Variants in MTOR observed in about 807,000 individuals in gnomAD.
MTOR encodes the protein mechanistic target of rapamycin kinase.
In MTOR, 70 loss-of-function variants were observed where a neutral mutation model predicts 319.8. The ratio of observed to expected loss-of-function variants is 0.22; its 90% CI spans 0.18 to 0.27. The LOEUF (loss-of-function observed/expected upper bound fraction) is 0.27, where lower values mean the gene tolerates loss of function less well. MTOR is among the 10% of genes least tolerant of loss of function. The probability of loss-of-function intolerance (pLI) is 1.00; values close to 1 mark genes in which losing one functional copy is unlikely to be tolerated. For missense variants in MTOR, 1,890 were observed against 3,274.4 expected, an observed-to-expected ratio of 0.58 and a Z score of 10.32; for synonymous variants, 1,183 against 1,211.4, an observed-to-expected ratio of 0.98 and a Z score of 0.49.
chr1:11,245,625 G>T (rs766267558), intron 8 of MTOR, among the ~76,000 whole-genome samples: 2 of 152,186 alleles, frequency 1.3e-5, no homozygotes, highest in Non-Finnish European at 2.9e-5. Flanking sequence ...CTGGCAAGGC[G>T]CCACAGCTCA....
intron 28 of MTOR, among the ~76,000 whole-genome samples, chr1:11,181,418 G>A (rs191298494): frequency 2.0e-5 from 3 of 152,116 alleles, no homozygotes; most frequent in African/African-American, 7.2e-5. Flanking sequence ...CCAGCTACTC[G>A]GGAGGCTGAG....
At chr1:11,251,248 A>G (rs1379014116) in intron 6 of MTOR, among the ~76,000 whole-genome samples, 1 of 152,110 alleles carries the variant, frequency 6.6e-6, no homozygotes, top group Non-Finnish European at 1.5e-5. Flanking sequence ...GGGAGCTGCT[A>G]CTGCAGTATT....
Position 11,212,115 on chromosome 1 carries a change from G to A in MTOR, c.3561+197C>T, listed in dbSNP as rs545933475. 2.0e-5 allele frequency among the ~76,000 whole-genome samples: 3 copies of A among 152,196 alleles called. No homozygotes were observed. Among genetic ancestry groups the A allele is most frequent in the Admixed American group, 6.5e-5 (1 of 15,282 alleles). On this transcript the variant is annotated intron_variant, in intron 23 of 57. Transcript: ENST00000361445. The surrounding 1 kb of genome is among the most constrained non-coding windows in gnomAD (Gnocchi z 4.1). The stretch of plus-strand genomic sequence containing the variant: ...GAGCAAGGACTTTATTCTGTTTACC[G>A]TGTTACCCCCAGAACGGCACTTAGC...
intron 36 of MTOR, among the ~76,000 whole-genome samples, chr1:11,135,314 T>A (rs1052170288): frequency 6.6e-6 from 1 of 151,890 alleles, no homozygotes; most frequent in Non-Finnish European, 1.5e-5. Context: ...AAAATAATAA[T>A]AAAGGGCTTC....
Position 11,150,023 on chromosome 1 carries a change from T to C in MTOR, c.4570+103A>G. The C allele has an allele frequency of 4.2e-5, 40 of 947,624 alleles. No individual in the cohort carries two copies. In the South Asian group the frequency reaches 5.7e-4, roughly 14 times the overall value. The allele number at this position is 947,624 out of a possible 1,614,324, so 58.7% of individuals were successfully genotyped here. Reference sequence around the variant, plus strand: ...GATACAGACCATTTTTACCCTTCCATAGACCTGGATCTCCACCTAGAGCCA... The same window carrying C: ...GATACAGACCATTTTTACCCTTCCACAGACCTGGATCTCCACCTAGAGCCA... On this transcript the variant is annotated intron_variant, in intron 31 of 57. Coordinates refer to ENST00000361445, the MANE Select transcript of MTOR (RefSeq NM_004958.4).
intron 28 of MTOR, chr1:11,194,597 C>A: frequency 6.2e-7 from 1 of 1,614,164 alleles, no homozygotes; most frequent in South Asian, 1.1e-5. Context: ...AACAACACAG[C>A]CTTCAGCACC....
chr1:11,157,099 C>G (rs2100566091), intron 30 of MTOR, 53 bp downstream of exon 30: 1 of 1,517,976 alleles, frequency 6.6e-7, no homozygotes. Flanking sequence ...ATCCAAAGAT[C>G]AAAGAGACGA....
Position 11,232,533 on chromosome 1 carries a change from A to C in MTOR, c.2422-5T>G. The stretch of plus-strand genomic sequence containing the variant: ...CCTCATTTCCAGGCCACTAACCTGC[A>C]AAATGAAAAAGAGGGTGGCAGAAAG... On this transcript the variant is annotated splice_polypyrimidine_tract_variant and splice_region_variant and intron_variant, in intron 15 of 57. Transcript: ENST00000361445. The C allele has an allele frequency of 1.2e-6, 2 of 1,611,132 alleles. No individual in the cohort carries two copies. Among genetic ancestry groups the C allele is most frequent in the East Asian group, 4.5e-5 (2 of 44,814 alleles).
At position 11,106,786 on chromosome 1, in the gene MTOR, A is replaced by T. The variant is rs1426619591; in HGVS notation, c.*699T>A. ...AGAACCCTGCTGCAGAAGGCCAGTG[A>T]GGGTGGTCCCACTGCACAGTGATCC... On this transcript the variant is annotated 3_prime_UTR_variant, in exon 58 of 58. Transcript: ENST00000361445. The T allele has an allele frequency of 2.4e-6, 3 of 1,258,580 alleles. No homozygotes were observed. In the Admixed American group the frequency reaches 1.0e-4, roughly 42 times the overall value. The allele number at this position is 1,258,580 out of a possible 1,614,324, so 78.0% of individuals were successfully genotyped here.
At chr1:11,176,429 G>A (rs1430689697) in intron 28 of MTOR, among the ~76,000 whole-genome samples, 2 of 152,212 alleles carry the variant, frequency 1.3e-5, no homozygotes, top group Admixed American at 6.5e-5. Flanking sequence ...CTGGGGCAAC[G>A]CTCAGGCTTC....
chr1:11,206,196 G>C (rs1214221528), intron 25 of MTOR, among the ~76,000 whole-genome samples: 1 of 152,190 alleles, frequency 6.6e-6, no homozygotes, highest in East Asian at 1.9e-4. Context: ...ACAGATACCT[G>C]GTTTCTTCCC....
Position 11,199,851 on chromosome 1 carries a change from C to T in MTOR, c.3945-148G>A. ...GACCAGTGCTGTCCAAGAGAATTTT[C>T]CTGTCCAATATGGTAGCCAGTGATC... On this transcript the variant is annotated intron_variant, in intron 26 of 57. Coordinates refer to ENST00000361445, the MANE Select transcript of MTOR (RefSeq NM_004958.4). The surrounding 1 kb of genome is among the most constrained non-coding windows in gnomAD (Gnocchi z 4.5). The T allele has an allele frequency of 1.3e-6, 1 of 752,166 alleles. No homozygotes were observed. The highest frequency in any genetic ancestry group is 1.9e-5 in the South Asian group (1 of 52,690). The allele number at this position is 752,166 out of a possible 1,614,324, so 46.6% of individuals were successfully genotyped here.
intron 29 of MTOR, among the ~76,000 whole-genome samples, chr1:11,161,226 G>A (rs892843556): frequency 1.1e-4 from 17 of 152,346 alleles, no homozygotes; most frequent in African/African-American, 3.8e-4. Flanking sequence ...AGTAGGCAAC[G>A]AGGCTGGCGG....
chr1:11,262,020 G>A (rs1439208136), intron 1 of MTOR, among the ~76,000 whole-genome samples: 1 of 152,168 alleles, frequency 6.6e-6, no homozygotes, highest in Non-Finnish European at 1.5e-5. Flanking sequence ...GTACCCCAAC[G>A]ATGTAACCAA....
intron 38 of MTOR, chr1:11,131,673 C>T (rs1643167874): frequency 6.6e-6 from 1 of 152,178 alleles, no homozygotes; most frequent in African/African-American, 2.4e-5. Context: ...ATACTACTCT[C>T]TCTGGGGTTC....
intron 34 of MTOR, chr1:11,144,049 A>C (rs1453518954): frequency 1.3e-5 from 2 of 152,240 alleles, no homozygotes; most frequent in Non-Finnish European, 2.9e-5. Context: ...CGGAAACTGC[A>C]GTGGAAAAAA....
At chr1:11,257,620 T>C (rs1650591725) in intron 3 of MTOR, among the ~76,000 whole-genome samples, 1 of 150,482 alleles carries the variant, frequency 6.6e-6, no homozygotes, top group Non-Finnish European at 1.5e-5. Flanking sequence ...CATTCTACTT[T>C]GAGTACATTT....
chr1:11,163,252 T>C (rs916210735), intron 29 of MTOR, among the ~76,000 whole-genome samples: 1 of 152,198 alleles, frequency 6.6e-6, no homozygotes, highest in Non-Finnish European at 1.5e-5. Flanking sequence ...TAAATATATA[T>C]GCGCCCAGTA....
intron 28 of MTOR, chr1:11,189,885 C>G (rs1293980632): frequency 2.5e-6 from 4 of 1,614,042 alleles, no homozygotes; most frequent in Admixed American, 3.3e-5. Context: ...AGAGCAAGTA[C>G]TCCGAGATGA....
Sources: allele counts gnomAD v4.1 joint callset (sites outside exome capture counted in the v4.1 genomes callset), GRCh38; gene constraint gnomAD v4.1.1; non-coding constraint Gnocchi (gnomAD v3.1); transcripts MANE v1.5; gene names NCBI Gene and HGNC (gene_info 2026-07-23, HGNC 2026-07-21).